The following CWC25 variants were observed in gnomAD, a reference collection of about 807,000 sequenced individuals.
CWC25 encodes the protein CWC25 spliceosome associated protein, also known as pre-mRNA-splicing factor CWC25 homolog.
A neutral mutation model predicts 54.6 loss-of-function variants in CWC25; 31 were observed. That is an observed-to-expected ratio of 0.57 (90% CI 0.43 to 0.77). The LOEUF (loss-of-function observed/expected upper bound fraction) is 0.77. Among genes scored for constraint, CWC25 ranks in the 30% least tolerant of loss-of-function variants. CWC25 has a pLI of 0.00. For missense variants in CWC25, 453 were observed against 529.3 expected, an observed-to-expected ratio of 0.86 and a Z score of 1.41; for synonymous variants, 151 against 187.0, an observed-to-expected ratio of 0.81 and a Z score of 1.57.
chr17:38,814,118 C>T (rs1281094028), intron 3 of CWC25, among the ~76,000 whole-genome samples: 1 of 152,022 alleles, frequency 6.6e-6, no homozygotes, highest in Non-Finnish European at 1.5e-5. Flanking sequence ...GCCTCGGCCT[C>T]CTGAAGTGCT....
In CWC25 at chr17:38,809,770, G is replaced by A. The variant is rs187390959; in HGVS notation, c.627-5C>T. Reference sequence around the variant, plus strand: ...TTTGCCATCTTCTTCTGTGATCTAAGAGATCAAAATACACACACTCATTGA... The same window carrying A: ...TTTGCCATCTTCTTCTGTGATCTAAAAGATCAAAATACACACACTCATTGA... On this transcript the variant is annotated splice_region_variant and splice_polypyrimidine_tract_variant and intron_variant, in intron 5 of 9. Coordinates refer to ENST00000614790, the MANE Select transcript of CWC25 (RefSeq NM_017748.5). 1.1e-4 allele frequency: 179 copies of A among 1,613,328 alleles called. No homozygotes were observed. In the African/African-American group the frequency reaches 1.9e-3, roughly 17 times the overall value.
rs749685320 is a variant in CWC25, at chr17:38,809,720, G to A, written c.672C>T (p.Val224=). 6.2e-7 allele frequency: 1 copy of A among 1,613,834 alleles called. No individual in the cohort carries two copies. The highest frequency in any genetic ancestry group is 8.5e-7 in the Non-Finnish European group (1 of 1,179,832). The part of the protein sequence containing the change: ...MANSSPVLSK[V]PGYGLQVRNS... ...TCCCTACCTGTAAGCCATATCCAGG[G>A]ACTTTGGACAAAACAGGGGAGGAAT... is the stretch of plus-strand genomic sequence containing the variant. The change falls in exon 6 of 10, where the codon GTC becomes GTT. Residue 224 remains valine (V), a synonymous_variant. Transcript: ENST00000614790.
Position 38,806,976 on chromosome 17 carries a change from C to T in CWC25, c.691G>A (p.Val231Ile), listed in dbSNP as rs187341764. The change falls in exon 7 of 10, where the codon GTC becomes ATC. Residue 231 changes from valine (V) to isoleucine (I), a missense_variant and splice_region_variant. Coordinates refer to ENST00000614790, the MANE Select transcript of CWC25 (RefSeq NM_017748.5). ...CCCTGGTTACGGTCAGAGTTCCGGA[C>T]CTACATCATTAAGGAAAAGAGAAGT... ...LSKVPGYGLQ[V>I]RNSDRNQGLQ... 4.0e-5 allele frequency: 64 copies of T among 1,604,614 alleles called. No individual in the cohort carries two copies. The African/African-American group carries it at 5.4e-4, about 14-fold the overall frequency.
chr17:38,802,647 G>A (rs980648751), intron 9 of CWC25, 53 bp downstream of exon 9: 1 of 1,589,102 alleles, frequency 6.3e-7, no homozygotes. Context: ...CTGCCAGCCT[G>A]CCTCTTAAGA....
At chr17:38,809,321 G>A (rs988540649) in intron 6 of CWC25, among the ~76,000 whole-genome samples, 4 of 151,628 alleles carry the variant, frequency 2.6e-5, no homozygotes, top group South Asian at 2.1e-4. Flanking sequence ...CCAGCTACTC[G>A]GGAGGCTAAA....
At position 38,806,990 on chromosome 17, in the gene CWC25, G is replaced by A; in HGVS notation, c.691-14C>T. 1.3e-6 allele frequency: 2 copies of A among 1,594,212 alleles called. No homozygotes were observed. The highest frequency in any genetic ancestry group is 1.7e-6 in the Non-Finnish European group (2 of 1,168,636). ...AGAGTTCCGGACCTACATCATTAAGGAAAAGAGAAGTTATTCACATGGAAA... is the reference window on the plus strand; with the variant it reads ...AGAGTTCCGGACCTACATCATTAAGAAAAAGAGAAGTTATTCACATGGAAA... On this transcript the variant is annotated splice_polypyrimidine_tract_variant and intron_variant, in intron 6 of 9. Transcript: ENST00000614790.
chr17:38,818,588 CAAAAAAAAAAAAAA>C (rs56382375), intron 2 of CWC25, among the ~76,000 whole-genome samples: 1,153 of 48,600 alleles, frequency 0.024, 28 homozygotes, highest in African/African-American at 0.099. Flanking sequence ...GACTCCATCT[CAAAAAAAAAAAAAA>C]AAAAAAAAAA....
At chr17:38,809,581 A>T in intron 6 of CWC25, 121 bp downstream of exon 6, 1 of 799,518 alleles carries the variant, frequency 1.3e-6, no homozygotes, top group Non-Finnish European at 2.0e-6. Context: ...GCTCAGCGAT[A>T]AGAATGGGCC....
chr17:38,821,206 G>A (rs1292699507), intron 1 of CWC25, 133 bp from the exon 2 acceptor site: 2 of 784,266 alleles, frequency 2.6e-6, no homozygotes, highest in Non-Finnish European at 4.0e-6. Flanking sequence ...CAATGGCAAG[G>A]TTTTCTTCCA....
chr17:38,801,320 T>C lies in CWC25; in HGVS notation c.*772A>G, dbSNP rs957204847. On this transcript the variant is annotated 3_prime_UTR_variant, in exon 10 of 10. Transcript: ENST00000614790. ...GGAGACTGCAAGCAGTGGAAAAGAA[T>C]AGATACTCCAGATCTCGTCGATAAA... 2 of 152,182 alleles carry C rather than the reference T, an allele frequency of 1.3e-5. No individual in the cohort carries two copies. The highest frequency in any genetic ancestry group is 2.9e-5 in the Non-Finnish European group (2 of 68,038). The allele number at this position is 152,182 out of a possible 1,614,324, so 9.4% of individuals were successfully genotyped here.
rs540137833 is a variant in CWC25, at chr17:38,819,240, C to G, written c.191+1661G>C. On this transcript the variant is annotated intron_variant, in intron 2 of 9. Coordinates refer to ENST00000614790, the MANE Select transcript of CWC25 (RefSeq NM_017748.5). ...TTTGAGACGAAGTCTTACTCTGTCA[C>G]CCAGGCTGGAGTGCAATGGCGTGAT... 9.8e-3 allele frequency among the ~76,000 whole-genome samples: 1,457 copies of G among 149,270 alleles called. 35 individuals carry two copies. Among genetic ancestry groups the G allele is most frequent in the Non-Finnish European group, 0.016 (1,039 of 66,302 alleles).
intron 2 of CWC25, among the ~76,000 whole-genome samples, chr17:38,819,420 A>G (rs537215083): frequency 6.9e-6 from 1 of 144,816 alleles, no homozygotes; most frequent in African/African-American, 2.5e-5. Flanking sequence ...AGGCTGGAGT[A>G]CACTGGCGCA....
In CWC25 at chr17:38,801,811, C is replaced by A; in HGVS notation, c.*281G>T. 3.2e-6 allele frequency: 1 copy of A among 310,112 alleles called. No individual in the cohort carries two copies. 19.2% of individuals were successfully genotyped at this position (310,112 alleles called of 1,614,324 possible). A position where few individuals can be genotyped will look rare whatever the true frequency, so the allele number is the denominator to read the frequency against. On this transcript the variant is annotated 3_prime_UTR_variant, in exon 10 of 10. Transcript: ENST00000614790. Reference sequence around the variant, plus strand: ...AGTGGCATGATAAACATCACAACCCCAGGGAACAGCCTTCCAGAGTGGCAC... The same window carrying A: ...AGTGGCATGATAAACATCACAACCCAAGGGAACAGCCTTCCAGAGTGGCAC...
At chr17:38,806,594 G>C in intron 7 of CWC25, 171 bp downstream of exon 7, 2 of 741,562 alleles carry the variant, frequency 2.7e-6, no homozygotes, top group Non-Finnish European at 4.3e-6. Context: ...ATGTGGCTTT[G>C]GATGCCTGAG....
intron 3 of CWC25, among the ~76,000 whole-genome samples, chr17:38,813,704 T>G (rs1911582091): frequency 6.6e-6 from 1 of 151,888 alleles, no homozygotes; most frequent in Non-Finnish European, 1.5e-5. Context: ...CCACCATGCC[T>G]AGCTAATTTT....
intron 6 of CWC25, 79 bp downstream of exon 6, chr17:38,809,623 C>T: frequency 2.1e-6 from 3 of 1,397,098 alleles, no homozygotes; most frequent in Non-Finnish European, 3.0e-6. Context: ...TCACTGCCCA[C>T]CTCCCTGCTA....
chr17:38,801,705 TG>T lies in CWC25; in HGVS notation c.*386del, dbSNP rs1385629810. On this transcript the variant is annotated 3_prime_UTR_variant, in exon 10 of 10. Coordinates refer to ENST00000614790, the MANE Select transcript of CWC25 (RefSeq NM_017748.5). ...TTTGTCTCAGTAAGCACAATCTATC[TG>T]GGTGACACCAGAGAGGTTTCTGAAG... The T allele has an allele frequency of 1.2e-4, 19 of 163,906 alleles. No individual in the cohort carries two copies. The highest frequency in any genetic ancestry group is 5.2e-5 in the Non-Finnish European group (4 of 76,302). The allele number at this position is 163,906 out of a possible 1,614,324, so 10.2% of individuals were successfully genotyped here. A position where few individuals can be genotyped will look rare whatever the true frequency, so the allele number is the denominator to read the frequency against.
rs938703483 is a variant in CWC25 at position 38,812,788 on chromosome 17, T to G, written c.498+7A>C. The stretch of plus-strand genomic sequence containing the variant: ...TGCTCTTGGTGCTTATCTGGTATAC[T>G]ACTTACCAATTCTTTGATTTTCTTC... On this transcript the variant is annotated splice_region_variant and intron_variant, in intron 4 of 9. Coordinates refer to ENST00000614790, the MANE Select transcript of CWC25 (RefSeq NM_017748.5). 4.1e-6 allele frequency: 6 copies of G among 1,457,974 alleles called. No individual in the cohort carries two copies. In the African/African-American group the frequency reaches 7.0e-5, roughly 17 times the overall value. 90.3% of individuals were successfully genotyped at this position (1,457,974 alleles called of 1,614,324 possible).
intron 2 of CWC25, among the ~76,000 whole-genome samples, chr17:38,819,918 C>A (rs962111408): frequency 6.6e-6 from 1 of 151,992 alleles, no homozygotes; most frequent in Admixed American, 6.6e-5. Context: ...GTGATCTGCC[C>A]GCCTCGGCCT....
Sources: allele counts gnomAD v4.1 joint callset (sites outside exome capture counted in the v4.1 genomes callset), GRCh38; gene constraint gnomAD v4.1.1; transcripts MANE v1.5; gene names NCBI Gene and HGNC (gene_info 2026-07-23, HGNC 2026-07-21).